The following AMBRA1 variants were observed in gnomAD, a reference collection of about 807,000 sequenced individuals.
The protein encoded by AMBRA1 is activating molecule in BECN1-regulated autophagy protein 1.
AMBRA1 carries 47 observed loss-of-function variants against 125.4 expected under a neutral mutation model. That is an observed-to-expected ratio of 0.37 (90% CI 0.30 to 0.48). The LOEUF (loss-of-function observed/expected upper bound fraction) is 0.48. Among genes scored for constraint, AMBRA1 ranks in the 20% least tolerant of loss-of-function variants. The pLI, the probability that AMBRA1 is intolerant of heterozygous loss-of-function variation, is 0.99. For synonymous variants in AMBRA1, 626 were observed against 655.5 expected, an observed-to-expected ratio of 0.95 and a Z score of 0.69; for missense variants, 1,331 against 1,693.4, an observed-to-expected ratio of 0.79 and a Z score of 3.76.
intron 17 of AMBRA1, among the ~76,000 whole-genome samples, chr11:46,407,017 A>G (rs1465494334): frequency 2.0e-5 from 3 of 151,704 alleles, no homozygotes; most frequent in Non-Finnish European, 4.4e-5. Flanking sequence ...TGTCTCTACT[A>G]AAAATACAGA....
At chr11:46,582,853 AG>A (rs2044225255) in intron 1 of AMBRA1, among the ~76,000 whole-genome samples, 1 of 152,098 alleles carries the variant, frequency 6.6e-6, no homozygotes, top group African/African-American at 2.4e-5. Context: ...GATAAACAAA[AG>A]TCTGAAAAGG....
At chr11:46,482,765 C>A (rs1950122156) in intron 11 of AMBRA1, among the ~76,000 whole-genome samples, 1 of 152,012 alleles carries the variant, frequency 6.6e-6, no homozygotes, top group African/African-American at 2.4e-5. Context: ...AATCCCAGCA[C>A]TTTGGGGTGC....
intron 17 of AMBRA1, among the ~76,000 whole-genome samples, chr11:46,402,710 C>T (rs1945823917): frequency 6.6e-6 from 1 of 152,214 alleles, no homozygotes; most frequent in Non-Finnish European, 1.5e-5. Flanking sequence ...GGAAGAGACA[C>T]AATGGATTCA....
At chr11:46,482,935 G>A (rs1181250967) in intron 11 of AMBRA1, among the ~76,000 whole-genome samples, 1 of 151,872 alleles carries the variant, frequency 6.6e-6, no homozygotes, top group Non-Finnish European at 1.5e-5. Flanking sequence ...TTTGAACCTG[G>A]GAGGCGGAGG....
intron 11 of AMBRA1, among the ~76,000 whole-genome samples, chr11:46,488,322 G>C (rs1950332914): frequency 6.6e-6 from 1 of 152,052 alleles, no homozygotes. Flanking sequence ...CAGGCCTGGG[G>C]GCACACGCCT....
chr11:46,589,034 G>C (rs2044501129), intron 1 of AMBRA1, among the ~76,000 whole-genome samples: 1 of 152,126 alleles, frequency 6.6e-6, no homozygotes, highest in African/African-American at 2.4e-5. Context: ...ACATGACACA[G>C]TAAATGCTCA....
chr11:46,580,110 C>A (rs1303373476), intron 1 of AMBRA1, among the ~76,000 whole-genome samples: 1 of 152,194 alleles, frequency 6.6e-6, no homozygotes, highest in Non-Finnish European at 1.5e-5. Context: ...TACTTTCCTC[C>A]AATATTGTTC....
intron 14 of AMBRA1, among the ~76,000 whole-genome samples, chr11:46,429,368 G>A (rs1281038258): frequency 6.6e-6 from 1 of 152,182 alleles, no homozygotes; most frequent in Non-Finnish European, 1.5e-5. Flanking sequence ...GATGGAACTC[G>A]AACTCCACAG....
chr11:46,403,965 C>G (rs780591185), intron 17 of AMBRA1, among the ~76,000 whole-genome samples: 17 of 152,082 alleles, frequency 1.1e-4, no homozygotes, highest in Non-Finnish European at 2.2e-4. Context: ...TTTGGGAGGC[C>G]AAGGTGGGAG....
intron 1 of AMBRA1, among the ~76,000 whole-genome samples, chr11:46,575,033 T>C (rs1242436508): frequency 2.0e-5 from 3 of 152,226 alleles, no homozygotes; most frequent in Admixed American, 2.0e-4. Flanking sequence ...AAGATATTCT[T>C]GGCAGCAGAG....
chr11:46,446,503 T>C lies in AMBRA1; in HGVS notation c.2522-2905A>G, dbSNP rs1489874417. Among the ~76,000 whole-genome samples the C allele has an allele frequency of 3.3e-5, 5 of 152,210 alleles. 1 individual carries two copies. Among genetic ancestry groups the C allele is most frequent in the Non-Finnish European group, 7.3e-5 (5 of 68,030 alleles). On this transcript the variant is annotated intron_variant, in intron 11 of 17. Coordinates refer to ENST00000683756, the MANE Select transcript of AMBRA1 (RefSeq NM_001387011.1). ...CTAAGGGATTTCTAAGGTTTCAAGG[T>C]TCTCCCATGTAGTAATGACAGAATG...
intron 1 of AMBRA1, among the ~76,000 whole-genome samples, chr11:46,571,620 A>G (rs1321159938): frequency 5.3e-5 from 8 of 151,618 alleles, no homozygotes; most frequent in Non-Finnish European, 1.0e-4. Flanking sequence ...GGCTGCAGTA[A>G]GCCATGGTTT....
At chr11:46,413,687 C>T (rs1292267157) in intron 15 of AMBRA1, among the ~76,000 whole-genome samples, 1 of 152,080 alleles carries the variant, frequency 6.6e-6, no homozygotes, top group African/African-American at 2.4e-5. Context: ...GACAGTGTTT[C>T]GCCATGTTGG....
At chr11:46,590,714 C>CACA (rs2044565563) in intron 1 of AMBRA1, among the ~76,000 whole-genome samples, 1 of 151,948 alleles carries the variant, frequency 6.6e-6, no homozygotes, top group Non-Finnish European at 1.5e-5. Flanking sequence ...GACAGAACAC[C>CACA]ACAAGATTTA....
intron 9 of AMBRA1, among the ~76,000 whole-genome samples, chr11:46,496,121 C>T (rs1950620447): frequency 6.6e-6 from 1 of 152,042 alleles, no homozygotes; most frequent in East Asian, 1.9e-4. Flanking sequence ...CACCTGTAAT[C>T]CCAACACTCT....
At chr11:46,447,708 G>GTAGATAGA (rs59044666) in intron 11 of AMBRA1, among the ~76,000 whole-genome samples, 8 of 138,588 alleles carry the variant, frequency 5.8e-5, no homozygotes, top group African/African-American at 8.4e-5. Context: ...AGACCATCTT[G>GTAGATAGA]TAGATAGATA....
chr11:46,439,879 C>T (rs141063634), intron 12 of AMBRA1, among the ~76,000 whole-genome samples: 2 of 151,054 alleles, frequency 1.3e-5, no homozygotes, highest in African/African-American at 2.4e-5. Context: ...TTGTTTGTAA[C>T]ACAAAAAATA....
intron 14 of AMBRA1, among the ~76,000 whole-genome samples, chr11:46,426,181 C>T (rs982428095): frequency 6.6e-6 from 1 of 151,994 alleles, no homozygotes; most frequent in Non-Finnish European, 1.5e-5. Context: ...GAGTAATGGG[C>T]TGTTACAGTG....
Position 46,513,268 on chromosome 11 carries a change from C to CTT in AMBRA1, c.2073-457_2073-456dup, listed in dbSNP as rs71451654. On this transcript the variant is annotated intron_variant, in intron 7 of 17. Transcript: ENST00000683756. ...TTCTGCTCTGCCTACGCTCTTTTTT[C>CTT]TTTTTTTTTTTTTTGTGAGAATTGA... Among the ~76,000 whole-genome samples the CTT allele has an allele frequency of 4.1e-3, 504 of 122,366 alleles. 7 individuals carry two copies. The highest frequency in any genetic ancestry group is 0.019 in the African/African-American group (442 of 23,542). 80.3% of individuals were successfully genotyped at this position (122,366 alleles called of 152,430 possible).
Sources: allele counts gnomAD v4.1 joint callset (sites outside exome capture counted in the v4.1 genomes callset), GRCh38; gene constraint gnomAD v4.1.1; transcripts MANE v1.5; gene names NCBI Gene and HGNC (gene_info 2026-07-23, HGNC 2026-07-21).